The following EYS variants were observed in gnomAD, a reference collection of about 807,000 sequenced individuals.
The protein encoded by EYS is EGF-like photoreceptor maintenance factor, also known as protein eyes shut homolog.
In EYS, 250 loss-of-function variants were observed where a neutral mutation model predicts 282.1. The observed-to-expected ratio is 0.89, with a 90% confidence interval of 0.80 to 0.98. The LOEUF (loss-of-function observed/expected upper bound fraction) is 0.98, where lower values mean the gene tolerates loss of function less well. EYS is among the 50% of genes least tolerant of loss of function. EYS has a pLI of 0.00. For synonymous variants in EYS, 1,355 were observed against 1,282.9 expected, an observed-to-expected ratio of 1.06 and a Z score of -1.20; for missense variants, 4,016 against 3,709.0, an observed-to-expected ratio of 1.08 and a Z score of -2.15.
At chr6:64,104,795 T>A (rs751731370) in intron 31 of EYS, among the ~76,000 whole-genome samples, 1 of 151,584 alleles carries the variant, frequency 6.6e-6, no homozygotes, top group Non-Finnish European at 1.5e-5. Context: ...CCAAACTTGT[T>A]ATTTTGCAGC....
intron 12 of EYS, among the ~76,000 whole-genome samples, chr6:65,290,074 T>C (rs77234945): frequency 6.6e-6 from 1 of 151,170 alleles, no homozygotes; most frequent in South Asian, 2.1e-4. Context: ...TAATTTAATA[T>C]TTTTAGAATA....
intron 12 of EYS, among the ~76,000 whole-genome samples, chr6:65,210,479 C>A (rs559034615): frequency 6.6e-6 from 1 of 152,034 alleles, no homozygotes; most frequent in African/African-American, 2.4e-5. Flanking sequence ...TTAATAATTT[C>A]ATTTAAGATA....
At chr6:65,343,000 A>G (rs1334414780) in intron 10 of EYS, among the ~76,000 whole-genome samples, 1 of 151,210 alleles carries the variant, frequency 6.6e-6, no homozygotes, top group African/African-American at 2.4e-5. Flanking sequence ...TAAAGCTGTA[A>G]TGTAATCATC....
chr6:64,992,919 A>G (rs1316325519), intron 14 of EYS, among the ~76,000 whole-genome samples: 6 of 152,048 alleles, frequency 3.9e-5, no homozygotes, highest in Admixed American at 3.9e-4. Context: ...CTGAAGGGAC[A>G]ACTGGGACCT....
At chr6:65,136,260 G>A (rs1776020637) in intron 12 of EYS, among the ~76,000 whole-genome samples, 1 of 151,878 alleles carries the variant, frequency 6.6e-6, no homozygotes, top group African/African-American at 2.4e-5. Context: ...ACATATAAAA[G>A]TATTAGGCAA....
At chr6:65,505,385 G>A (rs898213457) in intron 2 of EYS, among the ~76,000 whole-genome samples, 7 of 150,910 alleles carry the variant, frequency 4.6e-5, no homozygotes, top group Non-Finnish European at 7.4e-5. Flanking sequence ...TTTCTTTATT[G>A]TTTTTCTATT....
At position 64,804,409 on chromosome 6, in the gene EYS, T is replaced by C. The variant is rs1764361072; in HGVS notation, c.3443+8969A>G. On this transcript the variant is annotated intron_variant, in intron 22 of 42. Transcript: ENST00000503581. ...ACTTTTATTCTTACCAAAATTTAAA[T>C]GGTGAACCATTTTTTACTATTTATC... Among the ~76,000 whole-genome samples the C allele has an allele frequency of 2.6e-5, 4 of 152,190 alleles. No individual in the cohort carries two copies. In the South Asian group the frequency reaches 8.3e-4, roughly 31 times the overall value.
chr6:64,948,951 T>C (rs1282991196), intron 14 of EYS, among the ~76,000 whole-genome samples: 1 of 151,938 alleles, frequency 6.6e-6, no homozygotes, highest in Non-Finnish European at 1.5e-5. Flanking sequence ...TCAAGTTTGA[T>C]AGTTGTAAAT....
At chr6:63,931,131 C>G (rs956548737) in intron 35 of EYS, among the ~76,000 whole-genome samples, 1 of 152,182 alleles carries the variant, frequency 6.6e-6, no homozygotes, top group Admixed American at 6.6e-5. Flanking sequence ...AAAGAGGAAA[C>G]ACTTCCAATA....
chr6:65,705,413 G>GT (rs1339428175), intron 1 of EYS, among the ~76,000 whole-genome samples: 5 of 152,210 alleles, frequency 3.3e-5, no homozygotes, highest in East Asian at 1.9e-4. Flanking sequence ...TTTTCCCTAA[G>GT]TTTTTTGTTA....
chr6:64,825,904 CAT>C (rs71860908), intron 19 of EYS, among the ~76,000 whole-genome samples: 20,720 of 147,484 alleles, frequency 0.14, 1,583 homozygotes, highest in East Asian at 0.35. Context: ...ATAAAGTGCA[CAT>C]ATATATATAT....
At chr6:64,317,315 C>G (rs1770011896) in intron 29 of EYS, among the ~76,000 whole-genome samples, 1 of 150,404 alleles carries the variant, frequency 6.6e-6, no homozygotes, top group Admixed American at 6.6e-5. Flanking sequence ...AATTCAGAAT[C>G]TACAAAGAAC....
In EYS at chr6:64,419,630, C is replaced by A. The variant is rs574125700; in HGVS notation, c.5927+16544G>T. On this transcript the variant is annotated intron_variant, in intron 28 of 42. Transcript: ENST00000503581. The stretch of plus-strand genomic sequence containing the variant: ...CTCCAACTGGGAGAAATTGGCCTAC[C>A]AGAACAAAGTCCAAAATCCAACAGG... Among the ~76,000 whole-genome samples the A allele has an allele frequency of 4.6e-5, 7 of 152,210 alleles. No individual in the cohort carries two copies. The South Asian group carries it at 1.5e-3, about 32-fold the overall frequency.
chr6:64,257,555 G>A (rs1427978522), intron 30 of EYS, among the ~76,000 whole-genome samples: 4 of 151,888 alleles, frequency 2.6e-5, no homozygotes, highest in Non-Finnish European at 5.9e-5. Context: ...AAATATAAAG[G>A]CAGGGCCTAT....
chr6:64,842,245 C>T (rs139769019), intron 19 of EYS, among the ~76,000 whole-genome samples: 1 of 150,984 alleles, frequency 6.6e-6, no homozygotes, highest in African/African-American at 2.4e-5. Context: ...AGCAAAGTGA[C>T]AGAAAAACAA....
At chr6:64,789,290 C>T (rs186623850) in intron 22 of EYS, among the ~76,000 whole-genome samples, 263 of 152,118 alleles carry the variant, frequency 1.7e-3, no homozygotes, top group African/African-American at 6.2e-3. Context: ...CACTTGAGAC[C>T]CTGATTCTCA....
chr6:64,018,562 T>G (rs542769660), intron 33 of EYS, among the ~76,000 whole-genome samples: 7 of 152,160 alleles, frequency 4.6e-5, no homozygotes, highest in Non-Finnish European at 1.0e-4. Flanking sequence ...GGTAACATTT[T>G]TGGTTTTCAT....
intron 12 of EYS, among the ~76,000 whole-genome samples, chr6:65,085,518 A>C (rs573503599): frequency 2.0e-5 from 3 of 152,308 alleles, no homozygotes; most frequent in Non-Finnish European, 2.9e-5. Flanking sequence ...GTGATCTTGA[A>C]TAGGTGGCTT....
intron 31 of EYS, among the ~76,000 whole-genome samples, chr6:64,175,965 A>T (rs13205132): frequency 1.3e-5 from 2 of 152,020 alleles, no homozygotes; most frequent in African/African-American, 2.4e-5. Context: ...GTAGAAGATA[A>T]GTGCTATGGG....
Sources: allele counts gnomAD v4.1 joint callset (sites outside exome capture counted in the v4.1 genomes callset), GRCh38; gene constraint gnomAD v4.1.1; transcripts MANE v1.5; gene names NCBI Gene and HGNC (gene_info 2026-07-23, HGNC 2026-07-21).